USF1: variants seen among roughly 807,000 people sequenced by gnomAD.
USF1 encodes the protein upstream transcription factor 1, also known as upstream stimulatory factor 1.
Under a neutral mutation model 46.3 loss-of-function variants are expected in USF1, and 22 were observed. That is an observed-to-expected ratio of 0.47 (90% confidence interval 0.34 to 0.68). The LOEUF (loss-of-function observed/expected upper bound fraction) is 0.68, where lower values mean the gene tolerates loss of function less well. Ranked by LOEUF, USF1 falls within the 30% of genes least tolerant of loss-of-function variation. The pLI, the probability that USF1 is intolerant of heterozygous loss-of-function variation, is 0.01. For synonymous variants in USF1, 150 were observed against 147.0 expected, an observed-to-expected ratio of 1.02 and a Z score of -0.15; for missense variants, 287 against 399.3, an observed-to-expected ratio of 0.72 and a Z score of 2.40.
In USF1 at chr1:161,040,824, C is replaced by T; in HGVS notation, c.609G>A (p.Gln203=). The T allele has an allele frequency of 1.2e-6, 2 of 1,614,180 alleles. No homozygotes were observed. Among genetic ancestry groups the T allele is most frequent in the South Asian group, 1.1e-5 (1 of 91,082 alleles). ...CCAGATCATACCTACCTTCATTATGCTGAGCCCTGCGTTTCTCATCCCGAG... is the reference window on the plus strand; with the variant it reads ...CCAGATCATACCTACCTTCATTATGTTGAGCCCTGCGTTTCTCATCCCGAG... ...RTTRDEKRRA[Q]HNEVERRRRD... Residue 203 remains glutamine (Q), a synonymous_variant, in exon 8 of 11, where the codon CAG becomes CAA. Transcript: ENST00000368021. This position sits in a 1 kb window ranked among gnomAD's most constrained non-coding sequence, Gnocchi z 4.0.
chr1:161,043,943 C>CTTTTTT (rs58205070), intron 1 of USF1, among the ~76,000 whole-genome samples: 35 of 110,250 alleles, frequency 3.2e-4, no homozygotes, highest in African/African-American at 7.1e-4. Context: ...ACATTTCTTT[C>CTTTTTT]TTTTTTTTTT....
At position 161,041,417 on chromosome 1, in the gene USF1, A is replaced by G; in HGVS notation, c.473-6T>C. 6.2e-7 allele frequency: 1 copy of G among 1,613,376 alleles called. No individual in the cohort carries two copies. The highest frequency in any genetic ancestry group is 8.5e-7 in the Non-Finnish European group (1 of 1,179,828). On this transcript the variant is annotated splice_polypyrimidine_tract_variant and splice_region_variant and intron_variant, in intron 6 of 10. Coordinates refer to ENST00000368021, the MANE Select transcript of USF1 (RefSeq NM_007122.5). ...CATCATCACAAAGAATTGACCTGTG[A>G]AGATGCAGGGTAGGTTCTGTCAGGA...
At position 161,039,291 on chromosome 1, in the gene USF1, A is replaced by AG. The variant is rs1288157718; in HGVS notation, c.*628_*629insC. On this transcript the variant is annotated 3_prime_UTR_variant, in exon 11 of 11. Coordinates refer to ENST00000368021, the MANE Select transcript of USF1 (RefSeq NM_007122.5). The stretch of plus-strand genomic sequence containing the variant: ...TTATCTTAAAAAAAAAAAAAAAAAA[A>AG]AAAAAAAAAGAAAAGAAAAAAAAAA... The AG allele has an allele frequency of 6.0e-6, 1 of 167,924 alleles. No homozygotes were observed. The highest frequency in any genetic ancestry group is 1.2e-5 in the Non-Finnish European group (1 of 81,346). The allele number at this position is 167,924 out of a possible 1,614,324, so 10.4% of individuals were successfully genotyped here.
At chr1:161,043,389 G>A (rs1650655501) in intron 1 of USF1, 29 bp from the exon 2 acceptor site, 1 of 1,551,690 alleles carries the variant, frequency 6.4e-7, no homozygotes, top group African/African-American at 1.4e-5. Flanking sequence ...TTTGCAATGA[G>A]TTTAGGAAAC....
rs375230019 is a variant in USF1 at position 161,040,060 on chromosome 1, C to G, written c.844-51G>C. 39 of 1,613,116 alleles carry G rather than the reference C, an allele frequency of 2.4e-5. No individual in the cohort carries two copies. In the African/African-American group the frequency reaches 5.1e-4, roughly 21 times the overall value. On this transcript the variant is annotated intron_variant, in intron 10 of 10. Coordinates refer to ENST00000368021, the MANE Select transcript of USF1 (RefSeq NM_007122.5). The surrounding 1 kb of genome is among the most constrained non-coding windows in gnomAD (Gnocchi z 4.0). ...GGAATGGGTAGTAAAGCTGGCACTTCCAAGCCCCTGAATGTATTCAGACAT... is the reference window on the plus strand; with the variant it reads ...GGAATGGGTAGTAAAGCTGGCACTTGCAAGCCCCTGAATGTATTCAGACAT...
Position 161,041,430 on chromosome 1 carries a change from G to C in USF1, c.473-19C>G, listed in dbSNP as rs948134376. ...AATTGACCTGTGAAGATGCAGGGTA[G>C]GTTCTGTCAGGACATGGGTAGGAAC... On this transcript the variant is annotated intron_variant, in intron 6 of 10. Transcript: ENST00000368021. 6.2e-7 allele frequency: 1 copy of C among 1,611,222 alleles called. No homozygotes were observed. Among genetic ancestry groups the C allele is most frequent in the Non-Finnish European group, 8.5e-7 (1 of 1,178,600 alleles).
intron 5 of USF1, 119 bp from the exon 6 acceptor site, chr1:161,041,965 G>A: frequency 7.5e-7 from 1 of 1,330,692 alleles, no homozygotes; most frequent in Non-Finnish European, 1.0e-6. Flanking sequence ...GAGAGAGAGA[G>A]AGAGAAACAT....
At chr1:161,041,297 A>C (rs374819446) in intron 7 of USF1, 27 bp downstream of exon 7, 1 of 1,508,328 alleles carries the variant, frequency 6.6e-7, no homozygotes, top group Non-Finnish European at 9.0e-7. Flanking sequence ...CACTTACGGA[A>C]TCTGAGAAGA....
In USF1 at chr1:161,040,679, C is replaced by T; in HGVS notation, c.620-9G>A. 1.2e-6 allele frequency: 2 copies of T among 1,610,822 alleles called. No individual in the cohort carries two copies. The highest frequency in any genetic ancestry group is 1.7e-6 in the Non-Finnish European group (2 of 1,179,826). ...TCGGCGGCGACGCTCCACTGTGGGG[C>T]AAAGTGGAGGACAAGGTGACTCAGT... On this transcript the variant is annotated splice_polypyrimidine_tract_variant and intron_variant, in intron 8 of 10. Coordinates refer to ENST00000368021, the MANE Select transcript of USF1 (RefSeq NM_007122.5). This position sits in a 1 kb window ranked among gnomAD's most constrained non-coding sequence, Gnocchi z 4.0.
chr1:161,041,454 AC>A, intron 6 of USF1, 43 bp from the exon 7 acceptor site: 2 of 1,595,014 alleles, frequency 1.3e-6, no homozygotes, highest in Non-Finnish European at 1.7e-6. Flanking sequence ...ATGGGTAGGA[AC>A]CTCACCAAGC....
At chr1:161,043,747 C>G (rs942007670) in intron 1 of USF1, among the ~76,000 whole-genome samples, 2 of 150,776 alleles carry the variant, frequency 1.3e-5, no homozygotes, top group African/African-American at 4.9e-5. Flanking sequence ...CCTCAGCCTC[C>G]GGAGTAGCTG....
intron 1 of USF1, among the ~76,000 whole-genome samples, chr1:161,043,765 A>G (rs1571051787): frequency 6.6e-6 from 1 of 150,986 alleles, no homozygotes; most frequent in South Asian, 2.1e-4. Flanking sequence ...CTGGGATTAC[A>G]GGTGCACACC....
chr1:161,044,636 C>T (rs1228930676), intron 1 of USF1, among the ~76,000 whole-genome samples: 1 of 151,794 alleles, frequency 6.6e-6, no homozygotes, highest in Admixed American at 6.6e-5. Flanking sequence ...AACACTGTTG[C>T]TAAAATGTTG....
At position 161,041,421 on chromosome 1, in the gene USF1, T is replaced by G. The variant is rs373104960; in HGVS notation, c.473-10A>C. 4.3e-6 allele frequency: 7 copies of G among 1,613,028 alleles called. No individual in the cohort carries two copies. Among genetic ancestry groups the G allele is most frequent in the Non-Finnish European group, 5.9e-6 (7 of 1,179,784 alleles). On this transcript the variant is annotated splice_polypyrimidine_tract_variant and intron_variant, in intron 6 of 10. Coordinates refer to ENST00000368021, the MANE Select transcript of USF1 (RefSeq NM_007122.5). ...ATCACAAAGAATTGACCTGTGAAGA[T>G]GCAGGGTAGGTTCTGTCAGGACATG...
intron 1 of USF1, among the ~76,000 whole-genome samples, chr1:161,045,275 C>T (rs1218718250): frequency 2.0e-5 from 3 of 152,164 alleles, no homozygotes; most frequent in Non-Finnish European, 4.4e-5. Context: ...GAAGCATTTC[C>T]TAGGCATTAG....
rs1650446285 is a variant in USF1, at chr1:161,039,825, C to T, written c.*95G>A. On this transcript the variant is annotated 3_prime_UTR_variant, in exon 11 of 11. Coordinates refer to ENST00000368021, the MANE Select transcript of USF1 (RefSeq NM_007122.5). Reference sequence around the variant, plus strand: ...TTCTGAACTTCCCCCTGTCCCATGCCAGAAGTGGGGCAGTGAAGGAAAGGG... The same window carrying T: ...TTCTGAACTTCCCCCTGTCCCATGCTAGAAGTGGGGCAGTGAAGGAAAGGG... 3.8e-6 allele frequency: 5 copies of T among 1,318,752 alleles called. No homozygotes were observed. The Admixed American group carries it at 5.7e-5, about 15-fold the overall frequency. 81.7% of individuals were successfully genotyped at this position (1,318,752 alleles called of 1,614,324 possible).
rs1650407695 is a variant in USF1, at chr1:161,039,295, A to AG, written c.*624_*625insC. ...CTTAAAAAAAAAAAAAAAAAAAAAAAAAAAAGAAAAGAAAAAAAAAAAACG... is the reference window on the plus strand; with the variant it reads ...CTTAAAAAAAAAAAAAAAAAAAAAAAGAAAAAGAAAAGAAAAAAAAAAAACG... On this transcript the variant is annotated 3_prime_UTR_variant, in exon 11 of 11. Transcript: ENST00000368021. 2 of 167,568 alleles carry AG rather than the reference A, an allele frequency of 1.2e-5. No homozygotes were observed. Among genetic ancestry groups the AG allele is most frequent in the African/African-American group, 4.9e-5 (2 of 41,182 alleles). 10.4% of individuals were successfully genotyped at this position (167,568 alleles called of 1,614,324 possible). A position where few individuals can be genotyped will look rare whatever the true frequency, so the allele number is the denominator to read the frequency against.
rs1223681842 is a variant in USF1, at chr1:161,042,194, C to T, written c.198G>A (p.Val66=). Residue 66 remains valine, a synonymous_variant, in exon 5 of 11, where the codon GTG becomes GTA. Coordinates refer to ENST00000368021, the MANE Select transcript of USF1 (RefSeq NM_007122.5). The stretch of plus-strand genomic sequence containing the variant: ...TTTGGCCATCCAGCTGCCCCTCAGA[C>T]ACCTGGATCACCCTGTACATCACCT... ...GGQVMYRVIQ[V]SEGQLDGQTE... The T allele has an allele frequency of 6.2e-7, 1 of 1,613,978 alleles. No homozygotes were observed. The highest frequency in any genetic ancestry group is 2.2e-5 in the East Asian group (1 of 44,872).
Position 161,039,847 on chromosome 1 carries a change from A to G in USF1, c.*73T>C, listed in dbSNP as rs1455355034. The stretch of plus-strand genomic sequence containing the variant: ...TGCCAGAAGTGGGGCAGTGAAGGAA[A>G]GGGGCACGGGATTAGGCTGTTGCTC... On this transcript the variant is annotated 3_prime_UTR_variant, in exon 11 of 11. Transcript: ENST00000368021. 3.3e-5 allele frequency: 50 copies of G among 1,514,288 alleles called. No homozygotes were observed. Among genetic ancestry groups the G allele is most frequent in the Middle Eastern group, 2.1e-4 (1 of 4,706 alleles). 93.8% of individuals were successfully genotyped at this position (1,514,288 alleles called of 1,614,324 possible). A position where few individuals can be genotyped will look rare whatever the true frequency, so the allele number is the denominator to read the frequency against.
Sources: gnomAD v4.1 joint callset for allele counts (sites outside exome capture counted in the v4.1 genomes callset) on GRCh38, gnomAD v4.1.1 for gene constraint, Gnocchi (gnomAD v3.1) non-coding constraint, MANE v1.5 for transcripts, NCBI Gene and HGNC (gene_info 2026-07-23, HGNC 2026-07-21) for gene names.